The following CLVS1 variants were observed in gnomAD, a reference collection of about 807,000 sequenced individuals.
The protein encoded by CLVS1 is clavesin 1.
CLVS1 carries 10 observed loss-of-function variants against 33.1 expected under a neutral mutation model. That is an observed-to-expected ratio of 0.30 (90% confidence interval 0.19 to 0.51). The LOEUF (loss-of-function observed/expected upper bound fraction) is 0.51. Ranked by LOEUF, CLVS1 falls within the 20% of genes least tolerant of loss-of-function variation. The pLI, the probability that CLVS1 is intolerant of heterozygous loss-of-function variation, is 0.97. For missense variants in CLVS1, 343 were observed against 433.4 expected, an observed-to-expected ratio of 0.79 and a Z score of 1.85; for synonymous variants, 163 against 166.1, an observed-to-expected ratio of 0.98 and a Z score of 0.14.
intron 2 of CLVS1, among the ~76,000 whole-genome samples, chr8:61,342,605 G>A (rs1003649317): frequency 3.3e-5 from 5 of 152,152 alleles, no homozygotes; most frequent in African/African-American, 1.2e-4. Flanking sequence ...ATTGGCATAC[G>A]GAATCCAGTT....
chr8:61,309,158 G>A (rs556868248), intron 2 of CLVS1, among the ~76,000 whole-genome samples: 6 of 152,312 alleles, frequency 3.9e-5, no homozygotes, highest in African/African-American at 1.2e-4. Flanking sequence ...TGATTCTGAA[G>A]TCTCAACATC....
rs534218312 is a variant in CLVS1, at chr8:61,501,258, G to A, written c.*1716G>A. 1.3e-5 allele frequency: 2 copies of A among 152,084 alleles called. No homozygotes were observed. The highest frequency in any genetic ancestry group is 4.1e-4 in the South Asian group (2 of 4,828). 9.4% of individuals were successfully genotyped at this position (152,084 alleles called of 1,614,324 possible). ...TTAGAAAATCCATTTTATTGCTTGG[G>A]TTTAAAATAGTTGTGGGATACAAGT... On this transcript the variant is annotated 3_prime_UTR_variant, in exon 6 of 6. Coordinates refer to ENST00000325897, the MANE Select transcript of CLVS1 (RefSeq NM_173519.3).
chr8:61,305,042 T>C (rs2129595039), intron 2 of CLVS1, among the ~76,000 whole-genome samples: 1 of 152,134 alleles, frequency 6.6e-6, no homozygotes, highest in African/African-American at 2.4e-5. Context: ...CTTGAGCAAG[T>C]TGCTTAAATC....
chr8:61,338,805 AC>A (rs1283359131), intron 2 of CLVS1, among the ~76,000 whole-genome samples: 1 of 151,804 alleles, frequency 6.6e-6, no homozygotes, highest in African/African-American at 2.4e-5. Context: ...CAGCTGTCAC[AC>A]CTCTGCCCCG....
chr8:60,995,116 G>T, the CLVS1 span, among the ~76,000 whole-genome samples: 1 of 152,174 alleles, frequency 6.6e-6, no homozygotes, highest in Non-Finnish European at 1.5e-5. Flanking sequence ...AGGACTTCAT[G>T]TCTAAAACAC....
chr8:61,127,303 C>T (rs1415964536), intron 1 of CLVS1, among the ~76,000 whole-genome samples: 1 of 151,532 alleles, frequency 6.6e-6, no homozygotes, highest in Non-Finnish European at 1.5e-5. Flanking sequence ...AAACCTCTTG[C>T]TTCCGGGTTG....
intron 2 of CLVS1, among the ~76,000 whole-genome samples, chr8:61,348,195 T>C (rs767106137): frequency 1.3e-5 from 2 of 152,056 alleles, no homozygotes; most frequent in African/African-American, 2.4e-5. Flanking sequence ...GTTCTACATA[T>C]ATGTGATATC....
chr8:61,325,467 A>G, intron 2 of CLVS1, among the ~76,000 whole-genome samples: 1 of 152,132 alleles, frequency 6.6e-6, no homozygotes. Context: ...CCAAGCTATT[A>G]GTGTTTTTAT....
At chr8:61,309,043 T>C (rs1017202134) in intron 2 of CLVS1, among the ~76,000 whole-genome samples, 1 of 152,146 alleles carries the variant, frequency 6.6e-6, no homozygotes, top group Non-Finnish European at 1.5e-5. Flanking sequence ...AGCCAAGAGG[T>C]AGAGGGTGGC....
At chr8:61,153,001 C>T (rs1806571830) in intron 2 of CLVS1, among the ~76,000 whole-genome samples, 1 of 151,948 alleles carries the variant, frequency 6.6e-6, no homozygotes, top group Non-Finnish European at 1.5e-5. Flanking sequence ...TTGGTCTCTA[C>T]AAAATACACA....
chr8:61,486,251 T>A (rs1803878962), intron 5 of CLVS1, among the ~76,000 whole-genome samples: 2 of 151,994 alleles, frequency 1.3e-5, no homozygotes, highest in Admixed American at 1.3e-4. Flanking sequence ...TTTTGCTTAG[T>A]TTTTTTTCTC....
intron 2 of CLVS1, among the ~76,000 whole-genome samples, chr8:61,272,426 A>AT (rs1393864861): frequency 6.6e-6 from 1 of 151,170 alleles, no homozygotes; most frequent in Non-Finnish European, 1.5e-5. Flanking sequence ...TGCCCTTAAC[A>AT]TTTTTTCCTT....
At chr8:61,249,309 C>G (rs1250002338) in intron 2 of CLVS1, among the ~76,000 whole-genome samples, 1 of 152,156 alleles carries the variant, frequency 6.6e-6, no homozygotes, top group Non-Finnish European at 1.5e-5. Context: ...TTTTCTTTAT[C>G]CGGTCTATCA....
rs761295851 is a variant in CLVS1, at chr8:61,238,180, T to G, written c.-151-61497T>G. On this transcript the variant is annotated intron_variant, in intron 2 of 2. Coordinates refer to the CLVS1 transcript ENST00000522621. ...TCATTTGAGACTATGCTGTAAATATTTTAAAAAGAGAAACAAAAATTACCT... is the reference window on the plus strand; with the variant it reads ...TCATTTGAGACTATGCTGTAAATATGTTAAAAAGAGAAACAAAAATTACCT... Among the ~76,000 whole-genome samples, 30 of 152,156 alleles carry G rather than the reference T, an allele frequency of 2.0e-4. 1 individual carries two copies. Among genetic ancestry groups the G allele is most frequent in the Non-Finnish European group, 3.5e-4 (24 of 68,014 alleles).
At chr8:61,024,848 T>C in the CLVS1 span, among the ~76,000 whole-genome samples, 3 of 151,984 alleles carry the variant, frequency 2.0e-5, no homozygotes, top group East Asian at 1.9e-4. Context: ...CTTTTCTTTT[T>C]TTTCTTTCTT....
chr8:61,157,464 A>G (rs542560414), intron 2 of CLVS1, among the ~76,000 whole-genome samples: 2 of 152,340 alleles, frequency 1.3e-5, no homozygotes, highest in East Asian at 1.9e-4. Context: ...GGTTAGCTTT[A>G]TAACTTTGAA....
intron 1 of CLVS1, among the ~76,000 whole-genome samples, chr8:61,106,666 G>C (rs1022325000): frequency 1.3e-5 from 2 of 152,286 alleles, no homozygotes; most frequent in African/African-American, 4.8e-5. Flanking sequence ...CAGGTGGCTT[G>C]GACCAGCTAC....
rs940339338 is a variant in CLVS1 at position 61,190,891 on chromosome 8, C to A, written c.-152+59031C>A. On this transcript the variant is annotated intron_variant, in intron 2 of 2. Coordinates refer to the CLVS1 transcript ENST00000522621. Reference sequence around the variant, plus strand: ...ATTGAGGCAATAATTAATAGCTTACCAATCAAAAAAAGTCTAGGACCAGAT... The same window carrying A: ...ATTGAGGCAATAATTAATAGCTTACAAATCAAAAAAAGTCTAGGACCAGAT... Among the ~76,000 whole-genome samples, 3 of 151,982 alleles carry A rather than the reference C, an allele frequency of 2.0e-5. No individual in the cohort carries two copies. In the South Asian group the frequency reaches 6.3e-4, roughly 32 times the overall value.
At position 61,450,719 on chromosome 8, in the gene CLVS1, G is replaced by A. The variant is rs746493048; in HGVS notation, c.631-3422G>A. On this transcript the variant is annotated intron_variant, in intron 3 of 5. Coordinates refer to ENST00000325897, the MANE Select transcript of CLVS1 (RefSeq NM_173519.3). ...TTCAATGCATTAAGTGAGACATACT[G>A]TAGGCCATCAAAAATAGTTATTACA... 2.0e-5 allele frequency among the ~76,000 whole-genome samples: 3 copies of A among 152,108 alleles called. No individual in the cohort carries two copies. The South Asian group carries it at 6.2e-4, about 32-fold the overall frequency.
Sources: allele counts gnomAD v4.1 joint callset (sites outside exome capture counted in the v4.1 genomes callset), GRCh38; gene constraint gnomAD v4.1.1; transcripts MANE v1.5; gene names NCBI Gene and HGNC (gene_info 2026-07-23, HGNC 2026-07-21).